The following TXNDC16 variants were observed in gnomAD, a reference collection of about 807,000 sequenced individuals.
The protein encoded by TXNDC16 is thioredoxin domain-containing protein 16.
In TXNDC16, 74 loss-of-function variants were observed where a neutral mutation model predicts 85.6. That is an observed-to-expected ratio of 0.86 (90% CI 0.72 to 1.05). The LOEUF is 1.05. Ranked by LOEUF, TXNDC16 falls within the 50% of genes least tolerant of loss-of-function variation. The probability of loss-of-function intolerance (pLI) is 0.00; values close to 1 mark genes in which losing one functional copy is unlikely to be tolerated. For synonymous variants in TXNDC16, 335 were observed against 326.5 expected (o/e 1.03, Z -0.28); for missense variants, 959 against 947.0 (o/e 1.01, Z -0.17).
chr14:52,443,466 T>C (rs1037408549), intron 18 of TXNDC16, among the ~76,000 whole-genome samples: 5 of 152,218 alleles, frequency 3.3e-5, no homozygotes, highest in East Asian at 1.9e-4. Flanking sequence ...GGGGAGCTCA[T>C]GGATGATTTT....
intron 20 of TXNDC16, among the ~76,000 whole-genome samples, chr14:52,433,029 T>C (rs2034942208): frequency 6.6e-6 from 1 of 152,174 alleles, no homozygotes; most frequent in Non-Finnish European, 1.5e-5. Flanking sequence ...TTTTGGAACA[T>C]ATGTAATTAT....
intron 18 of TXNDC16, among the ~76,000 whole-genome samples, chr14:52,450,974 A>C (rs1397569539): frequency 2.0e-5 from 3 of 151,910 alleles, no homozygotes; most frequent in African/African-American, 7.2e-5. Flanking sequence ...TGGCATTCAA[A>C]GCAACCTGGA....
At chr14:52,473,190 C>G (rs754279293) in intron 14 of TXNDC16, among the ~76,000 whole-genome samples, 40 of 152,204 alleles carry the variant, frequency 2.6e-4, no homozygotes, top group Admixed American at 4.6e-4. Flanking sequence ...ATAGAGGAAG[C>G]TGTTTCTCTT....
At chr14:52,473,731 C>T (rs890376760) in intron 14 of TXNDC16, among the ~76,000 whole-genome samples, 1 of 152,128 alleles carries the variant, frequency 6.6e-6, no homozygotes, top group African/African-American at 2.4e-5. Context: ...AACAGATTAT[C>T]TTAGATACAG....
intron 6 of TXNDC16, among the ~76,000 whole-genome samples, chr14:52,530,638 TA>T (rs2037549923): frequency 8.9e-6 from 1 of 112,770 alleles, no homozygotes; most frequent in African/African-American, 3.3e-5. Flanking sequence ...TACATATATA[TA>T]AAAAATACCT....
intron 4 of TXNDC16, among the ~76,000 whole-genome samples, chr14:52,542,110 T>A (rs1361581673): frequency 6.6e-6 from 1 of 152,148 alleles, no homozygotes; most frequent in Non-Finnish European, 1.5e-5. Context: ...AATGATACCA[T>A]GGGCCCAATA....
chr14:52,491,605 A>AAACG lies in TXNDC16; in HGVS notation c.757-601_757-600insCGTT. The stretch of plus-strand genomic sequence containing the variant: ...TATAAATAAACAAAAACAATAAATA[A>AAACG]GTGTGGGACTAATTGATATAGAAAA... On this transcript the variant is annotated intron_variant, in intron 9 of 20. Coordinates refer to ENST00000281741, the MANE Select transcript of TXNDC16 (RefSeq NM_020784.3). Among the ~76,000 whole-genome samples the AAACG allele has an allele frequency of 7.8e-5, 3 of 38,234 alleles. No individual in the cohort carries two copies. The Middle Eastern group carries it at 0.028, about 361-fold the overall frequency. 25.1% of individuals were successfully genotyped at this position (38,234 alleles called of 152,430 possible). A position where few individuals can be genotyped will look rare whatever the true frequency, so the allele number is the denominator to read the frequency against.
chr14:52,551,825 T>A (rs896787379), intron 1 of TXNDC16, among the ~76,000 whole-genome samples: 3 of 152,166 alleles, frequency 2.0e-5, no homozygotes, highest in African/African-American at 7.2e-5. Flanking sequence ...CATGTGGAAT[T>A]TAAACAGTAC....
At chr14:52,459,082 A>G (rs2035596993) in intron 16 of TXNDC16, among the ~76,000 whole-genome samples, 1 of 152,222 alleles carries the variant, frequency 6.6e-6, no homozygotes, top group Admixed American at 6.5e-5. Context: ...ATCTGAATAA[A>G]AATATGCACA....
At position 52,451,945 on chromosome 14, in the gene TXNDC16, A is replaced by G. The variant is rs191632973; in HGVS notation, c.1842+3379T>C. Among the ~76,000 whole-genome samples the G allele has an allele frequency of 3.0e-3, 450 of 152,262 alleles. 4 individuals are homozygous for G. The highest frequency in any genetic ancestry group is 6.6e-3 in the South Asian group (32 of 4,826). ...AATCCTATATTTGGAAAAACTAAAG[A>G]CTCCATCGAAAAACTATTCAAGCTG... On this transcript the variant is annotated intron_variant, in intron 18 of 20. Transcript: ENST00000281741.
intron 7 of TXNDC16, among the ~76,000 whole-genome samples, 187 bp downstream of exon 7, chr14:52,518,985 A>C (rs1161291081): frequency 6.6e-6 from 1 of 152,200 alleles, no homozygotes. Flanking sequence ...AGAAAGTCTA[A>C]CCTAGAGAGT....
intron 9 of TXNDC16, among the ~76,000 whole-genome samples, 178 bp downstream of exon 9, chr14:52,511,062 G>C (rs754571438): frequency 6.6e-6 from 1 of 151,226 alleles, no homozygotes; most frequent in Non-Finnish European, 1.5e-5. Flanking sequence ...CTTTAATAAA[G>C]AATTATTCCT....
chr14:52,519,930 A>G (rs2037170739), intron 6 of TXNDC16, among the ~76,000 whole-genome samples: 1 of 152,178 alleles, frequency 6.6e-6, no homozygotes, highest in Non-Finnish European at 1.5e-5. Context: ...ATTACAACTT[A>G]TAATTATTTA....
intron 18 of TXNDC16, among the ~76,000 whole-genome samples, chr14:52,441,653 A>T (rs916039957): frequency 6.6e-6 from 1 of 152,018 alleles, no homozygotes; most frequent in African/African-American, 2.4e-5. Flanking sequence ...TAAGGAGGTA[A>T]TCATTCTCCT....
chr14:52,486,441 C>G (rs1248931578), intron 12 of TXNDC16, among the ~76,000 whole-genome samples: 1 of 151,940 alleles, frequency 6.6e-6, no homozygotes, highest in Non-Finnish European at 1.5e-5. Flanking sequence ...ATACCACCAT[C>G]TTGGCTAATT....
At chr14:52,522,118 C>T (rs1012306887) in intron 6 of TXNDC16, among the ~76,000 whole-genome samples, 2 of 152,186 alleles carry the variant, frequency 1.3e-5, no homozygotes. Flanking sequence ...ATCTAGTTAA[C>T]TTAATTGGAC....
rs548059065 is a variant in TXNDC16 at position 52,496,242 on chromosome 14, A to G, written c.757-5237T>C. Among the ~76,000 whole-genome samples, 75 of 152,128 alleles carry G rather than the reference A, an allele frequency of 4.9e-4. 1 individual carries two copies. The South Asian group carries it at 0.013, about 26-fold the overall frequency. ...GGGACAGGCATAGTATAACCACTAT[A>G]TACACTCCTAGTTGAAGCGGGGAAA... On this transcript the variant is annotated intron_variant, in intron 9 of 20. Transcript: ENST00000281741.
At position 52,432,498 on chromosome 14, in the gene TXNDC16, T is replaced by G. The variant is rs769074622; in HGVS notation, c.2284A>C (p.Arg762=). 6.2e-7 allele frequency: 1 copy of G among 1,613,952 alleles called. No individual in the cohort carries two copies. Among genetic ancestry groups the G allele is most frequent in the Non-Finnish European group, 8.5e-7 (1 of 1,179,972 alleles). ...TCTTTCATACACTTGGGAACTTTCC[T>G]AGTGCCACGTTGAGATGTTGCGGCA... The part of the protein sequence containing the change: ...IDAATSQRGT[R]KVPKCMKETD... The change falls in exon 21 of 21, where the codon AGG becomes CGG. Residue 762 remains arginine, a synonymous_variant. Transcript: ENST00000281741.
At chr14:52,466,489 T>C (rs979712958) in intron 16 of TXNDC16, among the ~76,000 whole-genome samples, 2 of 150,876 alleles carry the variant, frequency 1.3e-5, no homozygotes, top group Non-Finnish European at 2.9e-5. Context: ...TTTAACTTTA[T>C]AGGTTCAAAT....
Sources: allele counts gnomAD v4.1 joint callset (sites outside exome capture counted in the v4.1 genomes callset), GRCh38; gene constraint gnomAD v4.1.1; transcripts MANE v1.5; gene names NCBI Gene and HGNC (gene_info 2026-07-23, HGNC 2026-07-21).